The following PRKAR1A variants were observed in gnomAD, a reference collection of about 807,000 sequenced individuals.
The protein encoded by PRKAR1A is protein kinase cAMP-dependent type I regulatory subunit alpha, also known as cAMP-dependent protein kinase type I-alpha regulatory subunit.
In PRKAR1A, 3 loss-of-function variants were observed where a neutral mutation model predicts 52.0. The observed-to-expected ratio is 0.06, with a 90% CI of 0.03 to 0.15. The LOEUF is 0.15. Among genes scored for constraint, PRKAR1A ranks in the 10% least tolerant of loss-of-function variants. The probability of loss-of-function intolerance (pLI) is 1.00; values close to 1 mark genes in which losing one functional copy is unlikely to be tolerated. For missense variants in PRKAR1A, 240 were observed against 477.4 expected, an observed-to-expected ratio of 0.50 and a Z score of 4.63; for synonymous variants, 188 against 168.4, an observed-to-expected ratio of 1.12 and a Z score of -0.90.
At chr17:68,414,801 G>GT in the PRKAR1A span, among the ~76,000 whole-genome samples, 3 of 152,026 alleles carry the variant, frequency 2.0e-5, no homozygotes, top group Non-Finnish European at 4.4e-5. Flanking sequence ...TCTCTTCTAG[G>GT]TTTTTTAGTT....
the PRKAR1A span, among the ~76,000 whole-genome samples, chr17:68,486,220 G>A: frequency 1.3e-4 from 19 of 151,598 alleles, no homozygotes; most frequent in African/African-American, 3.6e-4. Flanking sequence ...TTTAATGTCC[G>A]CATAATTAAG....
Position 68,531,886 on chromosome 17 carries a change from A to G in PRKAR1A, c.*1437A>G. On this transcript the variant is annotated 3_prime_UTR_variant, in exon 11 of 11. Transcript: ENST00000589228. ...CTTTTATTTTCATTGTGATTTATATATAAGGTAATGTAGGGTTATATTTGG... is the reference window on the plus strand; with the variant it reads ...CTTTTATTTTCATTGTGATTTATATGTAAGGTAATGTAGGGTTATATTTGG... The G allele has an allele frequency of 6.7e-6, 7 of 1,046,868 alleles. No individual in the cohort carries two copies. Among genetic ancestry groups the G allele is most frequent in the Non-Finnish European group, 8.1e-6 (7 of 862,120 alleles). The allele number at this position is 1,046,868 out of a possible 1,614,324, so 64.8% of individuals were successfully genotyped here. A position where few individuals can be genotyped will look rare whatever the true frequency, so the allele number is the denominator to read the frequency against.
chr17:68,465,625 A>ATTTTTTTTTTTTTTTTTTTT, the PRKAR1A span, among the ~76,000 whole-genome samples: 20 of 67,190 alleles, frequency 3.0e-4, 3 homozygotes, highest in Admixed American at 3.9e-4. Flanking sequence ...ACGCCCAGCA[A>ATTTTTTTTTTTTTTTTTTTT]TTTTTTTTTT....
intron 7 of PRKAR1A, among the ~76,000 whole-genome samples, chr17:68,527,322 C>T (rs1030883097): frequency 6.6e-6 from 1 of 152,038 alleles, no homozygotes; most frequent in Admixed American, 6.6e-5. Context: ...GAAGCCAGAA[C>T]TAATGGAGGA....
the PRKAR1A span, among the ~76,000 whole-genome samples, chr17:68,435,974 C>T: frequency 2.0e-5 from 3 of 152,244 alleles, no homozygotes; most frequent in Non-Finnish European, 2.9e-5. Flanking sequence ...AGTGTGATGC[C>T]GTCGCAGGCG....
At position 68,515,392 on chromosome 17, in the gene PRKAR1A, A is replaced by G. The variant is rs2143148184; in HGVS notation, c.-6-2A>G. ...AAGCATGTGTGTGTTTTTTTCTCGC[A>G]GAGAACCATGGAGTCTGGCAGTACC... On this transcript the variant is annotated splice_acceptor_variant, in intron 1 of 10. Transcript: ENST00000589228. LOFTEE classifies it low-confidence loss of function (5UTR_SPLICE). The G allele has an allele frequency of 6.2e-7, 1 of 1,613,008 alleles. No individual in the cohort carries two copies. The highest frequency in any genetic ancestry group is 1.1e-5 in the South Asian group (1 of 91,026).
intron 11 of PRKAR1A, among the ~76,000 whole-genome samples, chr17:68,544,751 T>C (rs2086470744): frequency 6.6e-6 from 1 of 152,202 alleles, no homozygotes; most frequent in Admixed American, 6.5e-5. Flanking sequence ...CTTATCATCA[T>C]CACTGGATGT....
At chr17:68,514,590 T>C (rs907877456) in intron 1 of PRKAR1A, among the ~76,000 whole-genome samples, 1 of 152,198 alleles carries the variant, frequency 6.6e-6, no homozygotes, top group Admixed American at 6.5e-5. Context: ...TTAAATGCAA[T>C]TTATCTATTG....
the PRKAR1A span, chr17:68,420,107 T>C: frequency 6.7e-6 from 10 of 1,488,952 alleles, no homozygotes; most frequent in South Asian, 5.0e-5. Flanking sequence ...TGAATTAATG[T>C]AGAATCACTC....
upstream of PRKAR1A, among the ~76,000 whole-genome samples, chr17:68,510,040 C>A (rs568566450): frequency 6.6e-6 from 1 of 152,326 alleles, no homozygotes; most frequent in Non-Finnish European, 1.5e-5. Context: ...GACATAGTGT[C>A]ACTCTGACTT....
the PRKAR1A span, among the ~76,000 whole-genome samples, chr17:68,429,145 A>G: frequency 2.0e-5 from 3 of 152,140 alleles, no homozygotes; most frequent in African/African-American, 7.2e-5. Flanking sequence ...TTTGAACGTG[A>G]CAGTGTGGAT....
the PRKAR1A span, chr17:68,433,509 G>A: frequency 2.7e-5 from 44 of 1,614,002 alleles, no homozygotes; most frequent in African/African-American, 2.9e-4. Context: ...GTACCGTCTC[G>A]GTGTTACTGG....
At chr17:68,442,833 TCAGA>T in the PRKAR1A span, among the ~76,000 whole-genome samples, 120 of 152,278 alleles carry the variant, frequency 7.9e-4, 1 homozygote, top group Middle Eastern at 0.024. Flanking sequence ...TCAGACCACC[TCAGA>T]CAGACTGTTG....
intron 11 of PRKAR1A, chr17:68,542,724 T>C (rs778387601): frequency 1.9e-6 from 3 of 1,614,056 alleles, no homozygotes; most frequent in Non-Finnish European, 2.5e-6. Context: ...CTCTGCAGGA[T>C]TTCATTCTTG....
chr17:68,528,743 T>G, intron 8 of PRKAR1A, 127 bp from the exon 9 acceptor site: 1 of 1,286,366 alleles, frequency 7.8e-7, no homozygotes, highest in Non-Finnish European at 1.1e-6. Context: ...GGTACCACTT[T>G]TAATCTGAGA....
chr17:68,538,321 C>T (rs1239524321), downstream of PRKAR1A, among the ~76,000 whole-genome samples: 1 of 152,212 alleles, frequency 6.6e-6, no homozygotes, highest in South Asian at 2.1e-4. Context: ...AGGTACTGCT[C>T]ATCCAGTCCT....
chr17:68,446,335 C>G, the PRKAR1A span, among the ~76,000 whole-genome samples: 1 of 152,186 alleles, frequency 6.6e-6, no homozygotes, highest in Middle Eastern at 3.4e-3. Context: ...TGTGCGCCAC[C>G]ATGCCTGGCT....
the PRKAR1A span, among the ~76,000 whole-genome samples, chr17:68,452,709 T>C: frequency 6.6e-6 from 1 of 152,258 alleles, no homozygotes; most frequent in Admixed American, 6.5e-5. Context: ...AAATGTTACT[T>C]AAACTGTTGC....
the PRKAR1A span, among the ~76,000 whole-genome samples, chr17:68,486,506 CTTCTTTCTTTCTTTCT>C: frequency 0.018 from 877 of 48,116 alleles, 10 homozygotes; most frequent in African/African-American, 0.041. Flanking sequence ...TCCTTCCTTC[CTTCTTTCTTTCTTTCT>C]TTCTTTCTTT....
Sources: gnomAD v4.1 joint callset for allele counts (sites outside exome capture counted in the v4.1 genomes callset) on GRCh38, gnomAD v4.1.1 for gene constraint, MANE v1.5 for transcripts, NCBI Gene and HGNC (gene_info 2026-07-23, HGNC 2026-07-21) for gene names.